The following NOL10 variants were observed in gnomAD, a reference collection of about 807,000 sequenced individuals.
NOL10 encodes the protein H_NH0074G24.1.
A neutral mutation model predicts 103.5 loss-of-function variants in NOL10; 58 were observed. The observed-to-expected ratio is 0.56, with a 90% CI of 0.45 to 0.70. The LOEUF (loss-of-function observed/expected upper bound fraction) is 0.70, where lower values mean the gene tolerates loss of function less well. NOL10 is among the 30% of genes least tolerant of loss of function. NOL10 has a pLI of 0.00. For missense variants in NOL10, 763 were observed against 807.3 expected, an observed-to-expected ratio of 0.95 and a Z score of 0.67; for synonymous variants, 287 against 282.5, an observed-to-expected ratio of 1.02 and a Z score of -0.16.
At chr2:10,583,570 A>C (rs1002810277) in intron 19 of NOL10, among the ~76,000 whole-genome samples, 7 of 152,102 alleles carry the variant, frequency 4.6e-5, no homozygotes, top group African/African-American at 1.7e-4. Flanking sequence ...CCTTAAACCT[A>C]TTTTGCATTC....
At chr2:10,594,106 G>C (rs1470184890) in intron 17 of NOL10, among the ~76,000 whole-genome samples, 2 of 151,794 alleles carry the variant, frequency 1.3e-5, no homozygotes, top group Middle Eastern at 3.4e-3. Context: ...AAATTCCCCA[G>C]CACTGAAGAC....
chr2:10,581,697 T>G (rs1255089546), intron 19 of NOL10, among the ~76,000 whole-genome samples: 1 of 152,154 alleles, frequency 6.6e-6, no homozygotes, highest in East Asian at 1.9e-4. Context: ...TGTGGTGGCC[T>G]GTAGTCGCAG....
intron 12 of NOL10, among the ~76,000 whole-genome samples, chr2:10,645,162 A>G (rs72777312): frequency 1.7e-3 from 262 of 152,328 alleles, no homozygotes; most frequent in Middle Eastern, 6.8e-3. Flanking sequence ...CTGATCAGAA[A>G]ATAAAGCTCA....
At chr2:10,682,092 C>G in intron 2 of NOL10, 23 bp from the exon 3 acceptor site, 3 of 1,107,264 alleles carry the variant, frequency 2.7e-6, no homozygotes, top group Non-Finnish European at 1.3e-6. Context: ...AAAAAAACAA[C>G]TAGTTTAACT....
intron 13 of NOL10, among the ~76,000 whole-genome samples, chr2:10,634,216 A>G (rs1425528542): frequency 3.9e-5 from 6 of 152,236 alleles, no homozygotes. Flanking sequence ...AAGCAGAAAG[A>G]TCAGTTATCC....
At chr2:10,679,539 T>C (rs1374476509) in intron 3 of NOL10, among the ~76,000 whole-genome samples, 3 of 152,168 alleles carry the variant, frequency 2.0e-5, no homozygotes, top group Non-Finnish European at 2.9e-5. Context: ...CTCACTACCA[T>C]GTTTCACATT....
chr2:10,628,158 T>A (rs77909024), intron 13 of NOL10, among the ~76,000 whole-genome samples: 30,794 of 152,100 alleles, frequency 0.2, 4,103 homozygotes, highest in Non-Finnish European at 0.3. Flanking sequence ...ATGATCTTAC[T>A]CTTTTCCTAG....
chr2:10,605,549 G>C (rs886358261), intron 14 of NOL10, among the ~76,000 whole-genome samples: 1 of 152,100 alleles, frequency 6.6e-6, no homozygotes, highest in African/African-American at 2.4e-5. Context: ...AAAATGAGCA[G>C]TACAATTACT....
At position 10,651,992 on chromosome 2, in the gene NOL10, A is replaced by G. The variant is rs1243613404; in HGVS notation, c.973+2489T>C. On this transcript the variant is annotated intron_variant, in intron 12 of 20. Coordinates refer to ENST00000381685, the MANE Select transcript of NOL10 (RefSeq NM_024894.4). The stretch of plus-strand genomic sequence containing the variant: ...CGCAGTGGCTCACGCCTGTAATCCC[A>G]GCACTTAGGGAGGCTGAGGCGGGCA... Among the ~76,000 whole-genome samples, 3 of 152,230 alleles carry G rather than the reference A, an allele frequency of 2.0e-5. No individual in the cohort carries two copies. The East Asian group carries it at 5.8e-4, about 29-fold the overall frequency.
At chr2:10,652,377 C>T (rs1416218548) in intron 12 of NOL10, among the ~76,000 whole-genome samples, 1 of 151,252 alleles carries the variant, frequency 6.6e-6, no homozygotes, top group Non-Finnish European at 1.5e-5. Context: ...TTTCTGACCC[C>T]TTAAGAGGTA....
intron 3 of NOL10, among the ~76,000 whole-genome samples, chr2:10,677,536 T>C (rs1268093673): frequency 6.6e-6 from 1 of 150,738 alleles, no homozygotes; most frequent in Non-Finnish European, 1.5e-5. Flanking sequence ...AGAGGTGCAA[T>C]CACAGCTCAA....
chr2:10,648,527 C>A (rs757726048), intron 12 of NOL10, among the ~76,000 whole-genome samples: 9 of 152,118 alleles, frequency 5.9e-5, no homozygotes, highest in Non-Finnish European at 1.3e-4. Context: ...AACAGTCATT[C>A]CTTTGTCCAA....
intron 12 of NOL10, among the ~76,000 whole-genome samples, chr2:10,653,729 C>A (rs1378529787): frequency 6.6e-6 from 1 of 152,076 alleles, no homozygotes; most frequent in African/African-American, 2.4e-5. Flanking sequence ...CACCTCAGCC[C>A]CCCAACTCCA....
chr2:10,596,173 A>G (rs1422454763), intron 17 of NOL10, among the ~76,000 whole-genome samples: 1 of 147,340 alleles, frequency 6.8e-6, no homozygotes, highest in African/African-American at 2.5e-5. Context: ...TAACCACAGA[A>G]TACACATAGC....
chr2:10,587,138 C>CATATAT lies in NOL10; in HGVS notation c.1844+1904_1844+1905insATATAT, dbSNP rs1553296146. On this transcript the variant is annotated intron_variant, in intron 19 of 20. Coordinates refer to ENST00000381685, the MANE Select transcript of NOL10 (RefSeq NM_024894.4). ...ATATATACATATATATACATATATA[C>CATATAT]ACATATATATACATATATACACATA... 1.3e-4 allele frequency among the ~76,000 whole-genome samples: 2 copies of CATATAT among 15,836 alleles called. 1 individual carries two copies. The highest frequency in any genetic ancestry group is 6.9e-4 in the African/African-American group (2 of 2,878). 10.4% of individuals were successfully genotyped at this position (15,836 alleles called of 152,430 possible).
intron 13 of NOL10, among the ~76,000 whole-genome samples, chr2:10,610,950 T>C (rs1486729045): frequency 3.9e-5 from 6 of 152,346 alleles, no homozygotes; most frequent in African/African-American, 1.4e-4. Flanking sequence ...ATGTTGCCCA[T>C]GCTGTGGTCA....
chr2:10,588,796 G>A (rs1269454732), intron 19 of NOL10, among the ~76,000 whole-genome samples: 1 of 152,166 alleles, frequency 6.6e-6, no homozygotes, highest in Non-Finnish European at 1.5e-5. Context: ...ACCTCAAAAA[G>A]TTGTGACAAA....
chr2:10,607,055 T>A (rs1676297786), intron 14 of NOL10, 130 bp downstream of exon 14: 1 of 533,728 alleles, frequency 1.9e-6, no homozygotes, highest in East Asian at 3.1e-5. Context: ...ATGTTTAATA[T>A]CTGATTTGGC....
chr2:10,602,874 C>T lies in NOL10; in HGVS notation c.1234G>A (p.Val412Met), dbSNP rs1376816503. 2 of 1,585,994 alleles carry T rather than the reference C, an allele frequency of 1.3e-6. No individual in the cohort carries two copies. The highest frequency in any genetic ancestry group is 1.8e-5 in the Admixed American group (1 of 55,180). ...GCAAATGGATTTACCATCAGTTTCA[C>T]CTTTTCAAAATGAAAAAAGTTTTTA... ...FFMDIRLYHK[V>M]KLMVNPFAYE... Residue 412 changes from valine (V) to methionine (M), a missense_variant and splice_region_variant, in exon 16 of 21, where the codon GTG (valine) becomes ATG (methionine). By Grantham distance (21) the Val-to-Met change is conservative (BLOSUM62 1). Transcript: ENST00000381685.
Sources: gnomAD v4.1 joint callset for allele counts (sites outside exome capture counted in the v4.1 genomes callset) on GRCh38, gnomAD v4.1.1 for gene constraint, MANE v1.5 for transcripts, NCBI Gene and HGNC (gene_info 2026-07-23, HGNC 2026-07-21) for gene names.